The following NOC2L variants were observed in gnomAD, a reference collection of about 807,000 sequenced individuals.
NOC2L encodes NOC2 like nucleolar associated transcriptional repressor.
In NOC2L, 101 loss-of-function variants were observed where a neutral mutation model predicts 94.2. The observed-to-expected ratio is 1.07, with a 90% confidence interval of 0.91 to 1.26. NOC2L has a LOEUF of 1.26. Among genes scored for constraint, NOC2L ranks in the 50% most tolerant of loss-of-function variants. NOC2L has a pLI of 0.00. For synonymous variants in NOC2L, 531 were observed against 413.4 expected, an observed-to-expected ratio of 1.28 and a Z score of -3.45; for missense variants, 1,076 against 980.1, an observed-to-expected ratio of 1.10 and a Z score of -1.31.
At position 956,212 on chromosome 1, in the gene NOC2L, G is replaced by A. The variant is rs200815419; in HGVS notation, c.490C>T (p.Arg164Cys). The A allele has an allele frequency of 1.1e-4, 181 of 1,613,444 alleles. No homozygotes were observed. The African/African-American group carries it at 1.3e-3, about 12-fold the overall frequency. The change falls in exon 5 of 19, where the codon CGC becomes TGC. Residue 164 changes from arginine (R) to cysteine (C), a missense_variant. Physicochemically the swap from Arg to Cys is radical, Grantham distance 180. Transcript: ENST00000327044. ...TCATGGAACAGCTTTGGAGTGAGGCGTTGCTGAAGGAGCAAGAGTACCAGG... is the reference window on the plus strand; with the variant it reads ...TCATGGAACAGCTTTGGAGTGAGGCATTGCTGAAGGAGCAAGAGTACCAGG... Reference protein sequence around the residue: ...VERWKQAAKQRLTPKLFHEVV... With the variant: ...VERWKQAAKQCLTPKLFHEVV...
Position 956,085 on chromosome 1 carries a change from C to G in NOC2L, c.607+10G>C, listed in dbSNP as rs371083090. On this transcript the variant is annotated intron_variant, in intron 5 of 18. Transcript: ENST00000327044. The stretch of plus-strand genomic sequence containing the variant: ...AGACAGCCTGGATGCCAGGCTCCCC[C>G]CAAGCTCACCAGCACTGTCCGTGAC... 3.7e-5 allele frequency: 59 copies of G among 1,614,084 alleles called. No individual in the cohort carries two copies. The highest frequency in any genetic ancestry group is 5.3e-5 in the African/African-American group (4 of 75,038).
intron 2 of NOC2L, 123 bp from the exon 3 acceptor site, chr1:957,396 G>T: frequency 1.0e-6 from 1 of 992,656 alleles, no homozygotes; most frequent in Non-Finnish European, 1.5e-6. Context: ...ATTGCCAGGA[G>T]GTACGTTTTT....
Position 944,562 on chromosome 1 carries a change from A to T in NOC2L, c.*132T>A. ...TTTGGTCTTTCATGCTGAAAAATAA[A>T]TAATAAAGCCTGTCCCGTGTCTACT... is the stretch of plus-strand genomic sequence containing the variant. On this transcript the variant is annotated 3_prime_UTR_variant, in exon 19 of 19. Coordinates refer to ENST00000327044, the MANE Select transcript of NOC2L (RefSeq NM_015658.4). 3.1e-6 allele frequency: 2 copies of T among 635,928 alleles called. No homozygotes were observed. Among genetic ancestry groups the T allele is most frequent in the South Asian group, 3.9e-5 (2 of 51,352 alleles). 39.4% of individuals were successfully genotyped at this position (635,928 alleles called of 1,614,324 possible). A position where few individuals can be genotyped will look rare whatever the true frequency, so the allele number is the denominator to read the frequency against.
intron 17 of NOC2L, 149 bp from the exon 18 acceptor site, chr1:945,295 G>A: frequency 2.8e-6 from 3 of 1,082,630 alleles, no homozygotes; most frequent in Non-Finnish European, 3.9e-6. Flanking sequence ...GAGGAACTGG[G>A]AGGTCACAGG....
At chr1:951,518 A>C (rs1187813919) in intron 11 of NOC2L, among the ~76,000 whole-genome samples, 1 of 150,958 alleles carries the variant, frequency 6.6e-6, no homozygotes, top group African/African-American at 2.4e-5. Flanking sequence ...TGGACTTCCC[A>C]CCTCCCTTCC....
Position 951,339 on chromosome 1 carries a change from C to G in NOC2L, c.1332-101G>C, listed in dbSNP as rs193044260. 523 of 913,114 alleles carry G rather than the reference C, an allele frequency of 5.7e-4. 6 individuals are homozygous for G. The East Asian group carries it at 0.014, about 24-fold the overall frequency. The allele number at this position is 913,114 out of a possible 1,614,324, so 56.6% of individuals were successfully genotyped here. On this transcript the variant is annotated intron_variant, in intron 11 of 18. Coordinates refer to ENST00000327044, the MANE Select transcript of NOC2L (RefSeq NM_015658.4). ...TCCTCCCCCACTCACCGACATCAGA[C>G]CCCTAAAGCAGGACAAGGCACGTCT...
In NOC2L at chr1:944,225, C is replaced by T. The variant is rs1642011041; in HGVS notation, c.*469G>A. 2.7e-6 allele frequency: 4 copies of T among 1,468,030 alleles called. No individual in the cohort carries two copies. The South Asian group carries it at 4.7e-5, about 17-fold the overall frequency. 90.9% of individuals were successfully genotyped at this position (1,468,030 alleles called of 1,614,324 possible). ...CACTCAACACAATGGCCCTGCCTCCCACCGCTTTATTTCTTTCGGTTTCGG... is the reference window on the plus strand; with the variant it reads ...CACTCAACACAATGGCCCTGCCTCCTACCGCTTTATTTCTTTCGGTTTCGG... On this transcript the variant is annotated 3_prime_UTR_variant, in exon 19 of 19. Coordinates refer to ENST00000327044, the MANE Select transcript of NOC2L (RefSeq NM_015658.4).
intron 8 of NOC2L, 120 bp downstream of exon 8, chr1:953,662 A>T: frequency 1.3e-6 from 1 of 755,996 alleles, no homozygotes. Context: ...CTCTCTAGCC[A>T]AGCGGAGCCA....
rs1642122741 is a variant in NOC2L, at chr1:946,525, C to T, written c.1680G>A (p.Glu560=). The T allele has an allele frequency of 1.9e-6, 3 of 1,612,818 alleles. No homozygotes were observed. The highest frequency in any genetic ancestry group is 2.2e-5 in the South Asian group (2 of 91,080). The change falls in exon 15 of 19, where the codon GAG becomes GAA. Residue 560 remains glutamate (E), a synonymous_variant. Coordinates refer to ENST00000327044, the MANE Select transcript of NOC2L (RefSeq NM_015658.4). ...GCCGGCAGTAGTTGGCCACCTTGCA[C>T]TCCCGGAGGAACGACTTCAGCTGCG... is the stretch of plus-strand genomic sequence containing the variant. ...VVLQLKSFLR[E]CKVANYCRQV...
At chr1:958,885 G>A in intron 2 of NOC2L, 44 bp downstream of exon 2, 1 of 1,610,780 alleles carries the variant, frequency 6.2e-7, no homozygotes, top group Non-Finnish European at 8.5e-7. Context: ...ACCGGGGTGG[G>A]ACAGGACGAG....
chr1:945,362 G>C (rs1642075117), intron 17 of NOC2L, 156 bp downstream of exon 17: 9 of 1,025,306 alleles, frequency 8.8e-6, no homozygotes, highest in Non-Finnish European at 9.8e-6. Context: ...GGAAGGCGCT[G>C]GCACCAGAAG....
Position 956,816 on chromosome 1 carries a change from C to G in NOC2L, c.486+78G>C, listed in dbSNP as rs375228986. 2.7e-3 allele frequency: 4,221 copies of G among 1,582,944 alleles called. 9 individuals are homozygous for G. The highest frequency in any genetic ancestry group is 3.1e-3 in the Non-Finnish European group (3,584 of 1,159,628). ...CCTGGGCACCCAGCTGCCCGCCCCT[C>G]GCTGCTGCTCACCTCAGGTGAGGCA... is the stretch of plus-strand genomic sequence containing the variant. On this transcript the variant is annotated intron_variant, in intron 4 of 18. Coordinates refer to ENST00000327044, the MANE Select transcript of NOC2L (RefSeq NM_015658.4).
Position 959,031 on chromosome 1 carries a change from G to C in NOC2L, c.77C>G (p.Ser26Cys). The change falls in exon 2 of 19, where the codon TCC (serine) becomes TGC (cysteine). Residue 26 changes from serine (S) to cysteine (C), a missense_variant. Transcript: ENST00000327044. ...VDEFLASGFD[S>C]ESESESENSP... is the part of the protein sequence containing the mutation. ...ATTTTCGGACTCGGATTCGGACTCG[G>C]AGTCAAAGCCCGAAGCTAGGAACTC... The C allele has an allele frequency of 7.4e-6, 12 of 1,612,262 alleles. No individual in the cohort carries two copies. Among genetic ancestry groups the C allele is most frequent in the Non-Finnish European group, 1.0e-5 (12 of 1,179,642 alleles).
rs745330712 is a variant in NOC2L at position 952,515 on chromosome 1, G to T, written c.1088C>A (p.Thr363Lys). The T allele has an allele frequency of 1.2e-6, 2 of 1,613,780 alleles. No individual in the cohort carries two copies. Among genetic ancestry groups the T allele is most frequent in the African/African-American group, 2.7e-5 (2 of 74,928 alleles). Residue 363 changes from threonine to lysine, a missense_variant, in exon 10 of 19, where the codon ACG becomes AAG. Thr to Lys is a moderately conservative substitution (Grantham distance 78, BLOSUM62 -1). Coordinates refer to ENST00000327044, the MANE Select transcript of NOC2L (RefSeq NM_015658.4). ...PFISFMQWTL[T>K]ELLALEPGVA... is the part of the protein sequence containing the mutation. ...ACCCGGCTCCAGGGCCAGCAGCTCC[G>T]TCAAGGTCCACTGCATGAAACTGAT...
intron 17 of NOC2L, 127 bp downstream of exon 17, chr1:945,391 G>T: frequency 8.4e-7 from 1 of 1,196,340 alleles, no homozygotes; most frequent in Non-Finnish European, 1.2e-6. Context: ...CACTGAGGTT[G>T]GCCCCAGCTG....
chr1:944,575 T>G lies in NOC2L; in HGVS notation c.*119A>C. On this transcript the variant is annotated 3_prime_UTR_variant, in exon 19 of 19. Coordinates refer to ENST00000327044, the MANE Select transcript of NOC2L (RefSeq NM_015658.4). ...GCTGAAAAATAAATAATAAAGCCTG[T>G]CCCGTGTCTACTGCCTCCCCCAACT... The G allele has an allele frequency of 1.5e-6, 1 of 655,958 alleles. No homozygotes were observed. 40.6% of individuals were successfully genotyped at this position (655,958 alleles called of 1,614,324 possible).
Position 944,478 on chromosome 1 carries a change from C to T in NOC2L, c.*216G>A, listed in dbSNP as rs1193545338. 1.4e-6 allele frequency: 1 copy of T among 707,498 alleles called. No homozygotes were observed. The highest frequency in any genetic ancestry group is 2.2e-6 in the Non-Finnish European group (1 of 453,784). The allele number at this position is 707,498 out of a possible 1,614,324, so 43.8% of individuals were successfully genotyped here. A position where few individuals can be genotyped will look rare whatever the true frequency, so the allele number is the denominator to read the frequency against. On this transcript the variant is annotated 3_prime_UTR_variant, in exon 19 of 19. Coordinates refer to ENST00000327044, the MANE Select transcript of NOC2L (RefSeq NM_015658.4). ...TCCCCCGCGGAGCTGACTTCAGCAGCCCACAGCTGTGGGGCTTCAGCAGCC... is the reference window on the plus strand; with the variant it reads ...TCCCCCGCGGAGCTGACTTCAGCAGTCCACAGCTGTGGGGCTTCAGCAGCC...
At chr1:947,566 G>A (rs893923156) in intron 14 of NOC2L, among the ~76,000 whole-genome samples, 1 of 152,186 alleles carries the variant, frequency 6.6e-6, no homozygotes, top group Admixed American at 6.5e-5. Flanking sequence ...GAAACATCAC[G>A]GCTGAGAGCA....
intron 16 of NOC2L, 80 bp from the exon 17 acceptor site, chr1:945,733 C>G: frequency 1.3e-6 from 2 of 1,584,526 alleles, no homozygotes; most frequent in Non-Finnish European, 1.7e-6. Flanking sequence ...ATCGCCAGAC[C>G]CACCACCAGG....
Sources: gnomAD v4.1 joint callset for allele counts (sites outside exome capture counted in the v4.1 genomes callset) on GRCh38, gnomAD v4.1.1 for gene constraint, MANE v1.5 for transcripts, NCBI Gene and HGNC (gene_info 2026-07-23, HGNC 2026-07-21) for gene names.